The following SMIM8 variants were observed in gnomAD, a reference collection of about 807,000 sequenced individuals.
The protein encoded by SMIM8 is small integral membrane protein 8.
In SMIM8, 8 loss-of-function variants were observed where a neutral mutation model predicts 8.1. That is an observed-to-expected ratio of 0.99 (90% confidence interval 0.58 to 1.78). The LOEUF (loss-of-function observed/expected upper bound fraction) is 1.78, where lower values mean the gene tolerates loss of function less well. SMIM8 is among the 40% of genes most tolerant of loss of function. The pLI, the probability that SMIM8 is intolerant of heterozygous loss-of-function variation, is 0.00. For synonymous variants in SMIM8, 45 were observed against 39.7 expected (o/e 1.13, Z -0.50); for missense variants, 126 against 119.8 (o/e 1.05, Z -0.24).
intron 2 of SMIM8, among the ~76,000 whole-genome samples, chr6:87,331,484 A>G (rs754743783): frequency 2.9e-4 from 44 of 152,176 alleles, no homozygotes; most frequent in Admixed American, 1.4e-3. Context: ...TTTGCATTCT[A>G]CCTGTTTTAT....
chr6:87,327,475 G>T (rs1489751700), intron 1 of SMIM8, among the ~76,000 whole-genome samples: 1 of 151,792 alleles, frequency 6.6e-6, no homozygotes, highest in Non-Finnish European at 1.5e-5. Context: ...CTCAGCATTT[G>T]CTTGTCTGTA....
At chr6:87,327,416 T>C (rs1454835988) in intron 1 of SMIM8, among the ~76,000 whole-genome samples, 2 of 152,230 alleles carry the variant, frequency 1.3e-5, no homozygotes, top group African/African-American at 4.8e-5. Context: ...CCATGTTTAG[T>C]GCTTCCTTCA....
Position 87,341,131 on chromosome 6 carries a change from C to G in SMIM8, c.*857C>G. ...TAGTTATTTAAAAACTACAACTACT[C>G]AATGGATAAGGAATAGATAAGGTCT... On this transcript the variant is annotated 3_prime_UTR_variant, in exon 4 of 4. Transcript: ENST00000392863. 1 of 394,924 alleles carries G rather than the reference C, an allele frequency of 2.5e-6. No homozygotes were observed. Among genetic ancestry groups the G allele is most frequent in the Non-Finnish European group, 4.5e-6 (1 of 224,288 alleles). The allele number at this position is 394,924 out of a possible 1,614,324, so 24.5% of individuals were successfully genotyped here. A position where few individuals can be genotyped will look rare whatever the true frequency, so the allele number is the denominator to read the frequency against.
rs146672405 is a variant in SMIM8, at chr6:87,326,103, G to A, written c.-45+3471G>A. On this transcript the variant is annotated intron_variant, in intron 1 of 3. Coordinates refer to ENST00000392863, the MANE Select transcript of SMIM8 (RefSeq NM_001042493.3). The stretch of plus-strand genomic sequence containing the variant: ...TGGTAGTTTGTATTTCTGTGGGATC[G>A]GTGGTGATATCCCTTTTATCATTTT... 4.3e-3 allele frequency among the ~76,000 whole-genome samples: 655 copies of A among 152,190 alleles called. 22 individuals are homozygous for A. In the East Asian group the frequency reaches 0.1, roughly 24 times the overall value.
intron 2 of SMIM8, among the ~76,000 whole-genome samples, chr6:87,331,138 G>A (rs1387204102): frequency 1.3e-5 from 2 of 152,140 alleles, no homozygotes; most frequent in South Asian, 2.1e-4. Context: ...CTAGAGATTG[G>A]TCAATATCAT....
At chr6:87,324,049 T>C (rs1776751701) in intron 1 of SMIM8, among the ~76,000 whole-genome samples, 1 of 150,234 alleles carries the variant, frequency 6.7e-6, no homozygotes, top group Admixed American at 6.6e-5. Context: ...TTTTCATGTG[T>C]GTTTTGGCTG....
chr6:87,333,275 C>T (rs759308145), intron 2 of SMIM8, among the ~76,000 whole-genome samples: 20 of 152,236 alleles, frequency 1.3e-4, no homozygotes, highest in South Asian at 4.2e-4. Flanking sequence ...CCACGCTCCC[C>T]GAGGAAGGGT....
intron 2 of SMIM8, among the ~76,000 whole-genome samples, chr6:87,332,108 A>C (rs1031250626): frequency 3.3e-5 from 5 of 152,066 alleles, no homozygotes; most frequent in Non-Finnish European, 7.4e-5. Context: ...GCTAAGGAAA[A>C]AAGGAGATCA....
chr6:87,330,454 G>A (rs1776967125), intron 1 of SMIM8, among the ~76,000 whole-genome samples: 1 of 151,792 alleles, frequency 6.6e-6, no homozygotes, highest in South Asian at 2.1e-4. Context: ...AGGTAGTCAA[G>A]TATTCTGGAA....
At chr6:87,328,024 C>G (rs1012736809) in intron 1 of SMIM8, among the ~76,000 whole-genome samples, 4 of 152,046 alleles carry the variant, frequency 2.6e-5, no homozygotes, top group Non-Finnish European at 5.9e-5. Context: ...ATCACTGATA[C>G]CCTTTCTTCC....
At chr6:87,336,874 AATAAG>A (rs1777122802) in intron 2 of SMIM8, 130 bp from the exon 3 acceptor site, 1 of 570,954 alleles carries the variant, frequency 1.8e-6, no homozygotes, top group African/African-American at 1.9e-5. Flanking sequence ...TATACAAAGT[AATAAG>A]ATAACTGACA....
At position 87,340,177 on chromosome 6, in the gene SMIM8, A is replaced by G; in HGVS notation, c.197A>G (p.Tyr66Cys). ...TCACTTTGCGTGGCATATATTGGTT[A>G]TCTACATGCAATACAAGAGAATAAA... ...TLSLCVAYIG[Y>C]LHAIQENKKD... Residue 66 changes from tyrosine to cysteine, a missense_variant, in exon 4 of 4, where the codon TAT (tyrosine) becomes TGT (cysteine). Physicochemically the swap from Tyr to Cys is radical, Grantham distance 194. Coordinates refer to ENST00000392863, the MANE Select transcript of SMIM8 (RefSeq NM_001042493.3). 1 of 1,610,808 alleles carries G rather than the reference A, an allele frequency of 6.2e-7. No individual in the cohort carries two copies. Among genetic ancestry groups the G allele is most frequent in the Non-Finnish European group, 8.5e-7 (1 of 1,178,866 alleles).
chr6:87,326,856 T>A (rs1776834835), intron 1 of SMIM8, among the ~76,000 whole-genome samples: 1 of 121,580 alleles, frequency 8.2e-6, no homozygotes, highest in Non-Finnish European at 1.7e-5. Flanking sequence ...TGTCTAATGT[T>A]GACAGTGGGG....
intron 2 of SMIM8, among the ~76,000 whole-genome samples, chr6:87,335,059 T>C (rs1350738147): frequency 6.6e-6 from 1 of 152,166 alleles, no homozygotes; most frequent in Non-Finnish European, 1.5e-5. Context: ...TTTCTAAATG[T>C]AGAGCATGAA....
At chr6:87,330,528 T>G (rs867245955) in intron 1 of SMIM8, among the ~76,000 whole-genome samples, 164 bp from the exon 2 acceptor site, 1 of 152,188 alleles carries the variant, frequency 6.6e-6, no homozygotes, top group African/African-American at 2.4e-5. Context: ...TAGTCCTGAC[T>G]CTCGGTGTAG....
intron 1 of SMIM8, among the ~76,000 whole-genome samples, chr6:87,327,159 GTC>G (rs1776844819): frequency 6.6e-6 from 1 of 150,612 alleles, no homozygotes; most frequent in Non-Finnish European, 1.5e-5. Flanking sequence ...GCCTATGTGT[GTC>G]TCTGCACGTG....
intron 2 of SMIM8, among the ~76,000 whole-genome samples, chr6:87,332,497 A>T (rs908963065): frequency 1.4e-5 from 2 of 146,240 alleles, no homozygotes; most frequent in African/African-American, 2.6e-5. Context: ...TGTATATTAC[A>T]TTATTGTTTA....
At position 87,340,157 on chromosome 6, in the gene SMIM8, T is replaced by G; in HGVS notation, c.177T>G (p.Leu59=). The change falls in exon 4 of 4, where the codon CTT becomes CTG. Residue 59 remains leucine, a synonymous_variant. Coordinates refer to ENST00000392863, the MANE Select transcript of SMIM8 (RefSeq NM_001042493.3). The part of the protein sequence containing the change: ...VMAFGLVTLS[L]CVAYIGYLHA... ...CTTTCGGATTGGTAACTCTTTCACT[T>G]TGCGTGGCATATATTGGTTATCTAC... The G allele has an allele frequency of 1.2e-6, 2 of 1,603,658 alleles. No individual in the cohort carries two copies. Among genetic ancestry groups the G allele is most frequent in the Non-Finnish European group, 1.7e-6 (2 of 1,176,662 alleles).
intron 1 of SMIM8, chr6:87,323,129 C>T (rs894387279): frequency 6.7e-6 from 1 of 149,628 alleles, no homozygotes; most frequent in Non-Finnish European, 1.5e-5. Flanking sequence ...GCCTTCGGCA[C>T]CGAACAGTAG....
Sources: allele counts gnomAD v4.1 joint callset (sites outside exome capture counted in the v4.1 genomes callset), GRCh38; gene constraint gnomAD v4.1.1; transcripts MANE v1.5; gene names NCBI Gene and HGNC (gene_info 2026-07-23, HGNC 2026-07-21).